Variants in PKHD1 observed in about 807,000 individuals in gnomAD.
PKHD1 encodes the protein fibrocystin.
Under a neutral mutation model 412.0 loss-of-function variants are expected in PKHD1, and 291 were observed. The ratio of observed to expected loss-of-function variants is 0.71; its 90% CI spans 0.64 to 0.78. The LOEUF (loss-of-function observed/expected upper bound fraction) is 0.78. Among genes scored for constraint, PKHD1 ranks in the 30% least tolerant of loss-of-function variants. The pLI, the probability that PKHD1 is intolerant of heterozygous loss-of-function variation, is 0.00. For missense variants in PKHD1, 4,825 were observed against 4,950.7 expected (o/e 0.97, Z 0.76); for synonymous variants, 1,777 against 1,821.5 (o/e 0.98, Z 0.62).
rs548751726 is a variant in PKHD1, at chr6:51,838,655, T to C, written c.8108-2186A>G. Among the ~76,000 whole-genome samples, 229 of 152,266 alleles carry C rather than the reference T, an allele frequency of 1.5e-3. 2 individuals carry two copies. In the South Asian group the frequency reaches 0.021, roughly 14 times the overall value. On this transcript the variant is annotated intron_variant, in intron 50 of 66. Coordinates refer to ENST00000371117, the MANE Select transcript of PKHD1 (RefSeq NM_138694.4). ...CCATCTACATGCATCTGGGGGCAGATGAGTATGAGACAGAGGGCTATCTCT... is the reference window on the plus strand; with the variant it reads ...CCATCTACATGCATCTGGGGGCAGACGAGTATGAGACAGAGGGCTATCTCT...
intron 60 of PKHD1, among the ~76,000 whole-genome samples, chr6:51,676,889 A>G (rs947715551): frequency 3.3e-5 from 5 of 152,158 alleles, no homozygotes; most frequent in African/African-American, 9.7e-5. Context: ...TTAAACTTCA[A>G]AAAAATGGGT....
intron 36 of PKHD1, among the ~76,000 whole-genome samples, chr6:51,956,685 C>T (rs961833956): frequency 6.6e-6 from 1 of 151,934 alleles, no homozygotes; most frequent in Non-Finnish European, 1.5e-5. Flanking sequence ...TGGGGGGTGG[C>T]TGTAATTTTA....
At chr6:51,855,437 T>C (rs948286414) in intron 49 of PKHD1, among the ~76,000 whole-genome samples, 1 of 152,230 alleles carries the variant, frequency 6.6e-6, no homozygotes, top group Admixed American at 6.5e-5. Context: ...TGGGGACTCA[T>C]ACAGACTTCG....
intron 66 of PKHD1, among the ~76,000 whole-genome samples, chr6:51,620,761 G>A (rs535472423): frequency 6.7e-6 from 1 of 148,728 alleles, no homozygotes; most frequent in African/African-American, 2.5e-5. Context: ...AGGTAAGGAT[G>A]AGAGAAAGTA....
rs775302261 is a variant in PKHD1, at chr6:51,856,070, T to C, written c.7734A>G (p.Leu2578=). Residue 2578 remains leucine (L), a splice_region_variant and synonymous_variant, in exon 49 of 67, where the codon TTA becomes TTG. Coordinates refer to ENST00000371117, the MANE Select transcript of PKHD1 (RefSeq NM_138694.4). ...GVLFHRMSIG[L]ANTPEVSYDL... The stretch of plus-strand genomic sequence containing the variant: ...CATAAGAAACTTCAGGAGTATTCGC[T>C]CTAAGGTGATTTTAAAAGGAAAAAA... 6 of 1,590,620 alleles carry C rather than the reference T, an allele frequency of 3.8e-6. No homozygotes were observed. In the African/African-American group the frequency reaches 6.7e-5, roughly 18 times the overall value.
intron 35 of PKHD1, among the ~76,000 whole-genome samples, chr6:51,973,456 C>A (rs1470727454): frequency 6.6e-6 from 1 of 152,112 alleles, no homozygotes; most frequent in African/African-American, 2.4e-5. Context: ...TTCCTTTTTA[C>A]GTGTCCTCAA....
chr6:51,924,995 T>C (rs752745642), intron 37 of PKHD1, among the ~76,000 whole-genome samples: 20 of 152,252 alleles, frequency 1.3e-4, no homozygotes, highest in Non-Finnish European at 2.6e-4. Context: ...GTCCGTTTTA[T>C]AGATGTGGGA....
chr6:51,818,717 GT>G (rs1229173552), intron 52 of PKHD1, among the ~76,000 whole-genome samples: 1 of 152,168 alleles, frequency 6.6e-6, no homozygotes, highest in Non-Finnish European at 1.5e-5. Flanking sequence ...ACGTGGCTAA[GT>G]TTACACTATT....
chr6:51,835,126 T>G (rs1003718793), intron 51 of PKHD1, among the ~76,000 whole-genome samples: 4 of 152,232 alleles, frequency 2.6e-5, no homozygotes, highest in Non-Finnish European at 5.9e-5. Context: ...CCAGTTAAAC[T>G]GACCCCTTCT....
intron 41 of PKHD1, among the ~76,000 whole-genome samples, chr6:51,905,733 T>C (rs1455527149): frequency 1.3e-5 from 2 of 152,078 alleles, no homozygotes; most frequent in Admixed American, 6.6e-5. Flanking sequence ...TAAGGATAAT[T>C]CTGAGTTTTG....
chr6:51,912,487 T>A lies in PKHD1; in HGVS notation c.6211A>T (p.Asn2071Tyr). 1 of 1,613,218 alleles carries A rather than the reference T, an allele frequency of 6.2e-7. No individual in the cohort carries two copies. The highest frequency in any genetic ancestry group is 2.2e-5 in the East Asian group (1 of 44,858). The change falls in exon 38 of 67, where the codon AAC becomes TAC. Residue 2071 changes from asparagine (N) to tyrosine (Y), a missense_variant. Physicochemically the swap from Asn to Tyr is moderately radical, Grantham distance 143. Coordinates refer to ENST00000371117, the MANE Select transcript of PKHD1 (RefSeq NM_138694.4). Reference protein sequence around the residue: ...VLALEDAVDWNPGDEVVIISG... With the variant: ...VLALEDAVDWYPGDEVVIISG... ...ATGATGACAACTTCATCCCCAGGGTTCCAGTCCACAGCATCTTCTAAAGCC... is the reference window on the plus strand; with the variant it reads ...ATGATGACAACTTCATCCCCAGGGTACCAGTCCACAGCATCTTCTAAAGCC...
In PKHD1 at chr6:52,085,245, A is replaced by AAAT. The variant is rs3062577; in HGVS notation, c.-84-231_-84-229dup. Among the ~76,000 whole-genome samples, 127,129 of 151,824 alleles carry AAAT rather than the reference A, an allele frequency of 0.84. 53,482 individuals carry two copies. The highest frequency in any genetic ancestry group is 0.96 in the East Asian group (4,959 of 5,170). On this transcript the variant is annotated intron_variant, in intron 1 of 66. Coordinates refer to ENST00000371117, the MANE Select transcript of PKHD1 (RefSeq NM_138694.4). ...CCCACCAACTTATTTTAAGCTGGAT[A>AAAT]AATAATAACCTCTTTCATTAACTCA... is the stretch of plus-strand genomic sequence containing the variant.
rs1384097062 is a variant in PKHD1, at chr6:51,748,239, C to T, written c.9377G>A (p.Ser3126Asn). Residue 3126 changes from serine to asparagine, a missense_variant, in exon 58 of 67, where the codon AGT (serine) becomes AAT (asparagine). Physicochemically the swap from Ser to Asn is conservative, Grantham distance 46. Coordinates refer to ENST00000371117, the MANE Select transcript of PKHD1 (RefSeq NM_138694.4). ...CTTATAGAGATGAAGGCCATGAAGA[C>T]TTGAATGCGCCACATTGTCAGACCA... The part of the protein sequence containing the change: ...LLWSDNVAHS[S>N]LHGLHLYKES... 6.2e-7 allele frequency: 1 copy of T among 1,613,952 alleles called. No individual in the cohort carries two copies. Among genetic ancestry groups the T allele is most frequent in the East Asian group, 2.2e-5 (1 of 44,880 alleles).
At chr6:51,704,516 A>C (rs752356915) in intron 60 of PKHD1, among the ~76,000 whole-genome samples, 2 of 152,132 alleles carry the variant, frequency 1.3e-5, no homozygotes, top group Non-Finnish European at 2.9e-5. Context: ...ATTTACTGCT[A>C]TAGCTCAGGT....
chr6:51,926,483 A>G (rs1381654556), intron 37 of PKHD1, among the ~76,000 whole-genome samples: 1 of 152,306 alleles, frequency 6.6e-6, no homozygotes, highest in South Asian at 2.1e-4. Flanking sequence ...ACTTTCAAGT[A>G]TATATAGAAA....
At chr6:51,712,737 G>C (rs374880169) in intron 60 of PKHD1, among the ~76,000 whole-genome samples, 5 of 152,148 alleles carry the variant, frequency 3.3e-5, no homozygotes, top group African/African-American at 4.8e-5. Context: ...CTAGCCCTGC[G>C]ATCAAGCAAA....
At chr6:51,986,171 T>C (rs1213566792) in intron 35 of PKHD1, among the ~76,000 whole-genome samples, 1 of 152,224 alleles carries the variant, frequency 6.6e-6, no homozygotes, top group Non-Finnish European at 1.5e-5. Flanking sequence ...TTGTCTCTAA[T>C]ATTATAGAAA....
chr6:51,886,475 G>A (rs879553063), intron 44 of PKHD1, among the ~76,000 whole-genome samples: 1 of 152,166 alleles, frequency 6.6e-6, no homozygotes, highest in African/African-American at 2.4e-5. Flanking sequence ...TTAAAGAGAA[G>A]GAAATCCTGC....
In PKHD1 at chr6:51,950,220, A is replaced by AAATATAT; in HGVS notation, c.5908+9649_5908+9650insATATATT. On this transcript the variant is annotated intron_variant, in intron 36 of 66. Coordinates refer to ENST00000371117, the MANE Select transcript of PKHD1 (RefSeq NM_138694.4). ...AATGGGCAATATAGAGAAAAAAAAAAATATATATATATATATATATGAAAT... is the reference window on the plus strand; with the variant it reads ...AATGGGCAATATAGAGAAAAAAAAAAAATATATATATATATATATATATATATGAAAT... Among the ~76,000 whole-genome samples, 61 of 98,304 alleles carry AAATATAT rather than the reference A, an allele frequency of 6.2e-4. No individual in the cohort carries two copies. The South Asian group carries it at 6.6e-3, about 11-fold the overall frequency. The allele number at this position is 98,304 out of a possible 152,430, so 64.5% of individuals were successfully genotyped here.
Sources: allele counts gnomAD v4.1 joint callset (sites outside exome capture counted in the v4.1 genomes callset), GRCh38; gene constraint gnomAD v4.1.1; transcripts MANE v1.5; gene names NCBI Gene and HGNC (gene_info 2026-07-23, HGNC 2026-07-21).